MEI1: variants seen among roughly 807,000 people sequenced by gnomAD.
The protein encoded by MEI1 is meiosis inhibitor protein 1.
Under a neutral mutation model 146.2 loss-of-function variants are expected in MEI1, and 103 were observed. The observed-to-expected ratio is 0.70, with a 90% CI of 0.60 to 0.83. The LOEUF (loss-of-function observed/expected upper bound fraction) is 0.83. Ranked by LOEUF, MEI1 falls within the 40% of genes least tolerant of loss-of-function variation. The pLI is 0.00. For synonymous variants in MEI1, 652 were observed against 628.2 expected, an observed-to-expected ratio of 1.04 and a Z score of -0.57; for missense variants, 1,529 against 1,533.0, an observed-to-expected ratio of 1.00 and a Z score of 0.04.
intron 16 of MEI1, 44 bp downstream of exon 16, chr22:41,752,695 G>T (rs760766031): frequency 6.6e-7 from 1 of 1,521,338 alleles, no homozygotes; most frequent in Non-Finnish European, 9.0e-7. Context: ...AGGGGCCAAT[G>T]TCCCTCTTGA....
At chr22:41,700,790 G>A (rs1169734154) in intron 1 of MEI1, among the ~76,000 whole-genome samples, 3 of 137,892 alleles carry the variant, frequency 2.2e-5, no homozygotes, top group Admixed American at 1.4e-4. Flanking sequence ...AAACGGTCCC[G>A]GGGGTCTCCC....
intron 19 of MEI1, among the ~76,000 whole-genome samples, chr22:41,764,892 C>T (rs561097849): frequency 6.6e-5 from 10 of 152,266 alleles, no homozygotes; most frequent in South Asian, 4.1e-4. Flanking sequence ...GTCCGACTCC[C>T]GCATCAGTTA....
Position 41,752,584 on chromosome 22 carries a change from T to C in MEI1, c.1793-7T>C. ...CTGCTCTCTGCTTTATTCCCACTTC[T>C]CTGAAGCTTCCTCATCCTTCATACG... On this transcript the variant is annotated splice_region_variant and splice_polypyrimidine_tract_variant and intron_variant, in intron 15 of 30. Transcript: ENST00000401548. 6.3e-7 allele frequency: 1 copy of C among 1,593,362 alleles called. No individual in the cohort carries two copies. The highest frequency in any genetic ancestry group is 8.5e-7 in the Non-Finnish European group (1 of 1,169,748).
chr22:41,745,737 T>C (rs552596380), intron 13 of MEI1, 148 bp from the exon 14 acceptor site: 2 of 681,448 alleles, frequency 2.9e-6, no homozygotes, highest in African/African-American at 3.6e-5. Flanking sequence ...CTCCTCATTG[T>C]GGTCTATTGA....
At chr22:41,769,777 C>G (rs961817638) in intron 19 of MEI1, among the ~76,000 whole-genome samples, 1 of 151,652 alleles carries the variant, frequency 6.6e-6, no homozygotes, top group African/African-American at 2.4e-5. Context: ...CAGCCTCATA[C>G]TAAGAAATTT....
chr22:41,700,713 C>T (rs9619985), intron 1 of MEI1, among the ~76,000 whole-genome samples: 2 of 147,510 alleles, frequency 1.4e-5, no homozygotes, highest in Admixed American at 6.7e-5. Context: ...GAGGGGAATT[C>T]GTGAGTGGGT....
intron 14 of MEI1, among the ~76,000 whole-genome samples, chr22:41,747,736 C>CCCAAAA (rs1569240908): frequency 3.8e-5 from 5 of 133,204 alleles, no homozygotes; most frequent in African/African-American, 8.7e-5. Context: ...CCCACCCCCC[C>CCCAAAA]AAAAAAAACA....
intron 11 of MEI1, among the ~76,000 whole-genome samples, chr22:41,736,846 C>A (rs1037028356): frequency 6.6e-6 from 1 of 152,182 alleles, no homozygotes; most frequent in Non-Finnish European, 1.5e-5. Context: ...TTGGGTACCA[C>A]CATTCAGCCC....
At position 41,799,358 on chromosome 22, in the gene MEI1, T is replaced by A. The variant is rs2148294113; in HGVS notation, c.*59T>A. The A allele has an allele frequency of 6.5e-7, 1 of 1,536,316 alleles. No homozygotes were observed. Among genetic ancestry groups the A allele is most frequent in the African/African-American group, 1.4e-5 (1 of 70,862 alleles). ...GAATGAGACCTGGAGACAAAGGGCA[T>A]AATTGTTGGGGAAATGGATGACAGC... On this transcript the variant is annotated 3_prime_UTR_variant, in exon 31 of 31. Coordinates refer to ENST00000401548, the MANE Select transcript of MEI1 (RefSeq NM_152513.4).
chr22:41,731,051 CTTTTT>C (rs71651970), intron 9 of MEI1, among the ~76,000 whole-genome samples: 9 of 117,148 alleles, frequency 7.7e-5, no homozygotes, highest in Admixed American at 3.6e-4. Flanking sequence ...TTGTCTGGGA[CTTTTT>C]TTTTTTTTTT....
At chr22:41,761,698 G>T (rs1468905176) in intron 18 of MEI1, among the ~76,000 whole-genome samples, 2 of 152,094 alleles carry the variant, frequency 1.3e-5, no homozygotes, top group African/African-American at 2.4e-5. Context: ...ACAATTCAGT[G>T]GTATTTAATA....
At chr22:41,715,947 A>T in intron 4 of MEI1, 94 bp from the exon 5 acceptor site, 4 of 863,540 alleles carry the variant, frequency 4.6e-6, no homozygotes, top group Non-Finnish European at 7.3e-6. Context: ...GACACATGCA[A>T]TACAGGCATT....
At chr22:41,706,188 A>G (rs1478596454) in intron 3 of MEI1, among the ~76,000 whole-genome samples, 2 of 151,838 alleles carry the variant, frequency 1.3e-5, no homozygotes, top group South Asian at 2.1e-4. Context: ...CTGGCTAAAA[A>G]AATTTCTTTT....
chr22:41,743,641 T>C (rs893922622), intron 12 of MEI1, among the ~76,000 whole-genome samples: 1 of 152,240 alleles, frequency 6.6e-6, no homozygotes, highest in Non-Finnish European at 1.5e-5. Context: ...AGACTTAAGA[T>C]ATCAGGAAAG....
intron 3 of MEI1, among the ~76,000 whole-genome samples, chr22:41,712,470 C>T (rs193111377): frequency 0.016 from 2,465 of 151,706 alleles, 49 homozygotes; most frequent in Admixed American, 0.059. Context: ...CTCCTGACCT[C>T]GTGATCCACC....
intron 2 of MEI1, among the ~76,000 whole-genome samples, chr22:41,704,759 G>C (rs1054849385): frequency 1.6e-4 from 24 of 152,082 alleles, no homozygotes; most frequent in African/African-American, 5.8e-4. Flanking sequence ...CTGTCACCCA[G>C]ACTGGAGTGC....
intron 17 of MEI1, among the ~76,000 whole-genome samples, chr22:41,754,490 G>T (rs1168372461): frequency 6.6e-6 from 1 of 152,046 alleles, no homozygotes; most frequent in Admixed American, 6.6e-5. Context: ...CTGGAGTGCA[G>T]TGGCATGATC....
intron 3 of MEI1, among the ~76,000 whole-genome samples, chr22:41,713,383 C>T (rs928582104): frequency 2.6e-5 from 4 of 151,860 alleles, no homozygotes; most frequent in Non-Finnish European, 5.9e-5. Context: ...GGGAGGATTG[C>T]TTGAGCCCAG....
chr22:41,738,732 A>G (rs1410729404), intron 11 of MEI1, among the ~76,000 whole-genome samples: 1 of 151,922 alleles, frequency 6.6e-6, no homozygotes, highest in African/African-American at 2.4e-5. Flanking sequence ...AGATCACGCC[A>G]CTGCACTACA....
Sources: allele counts gnomAD v4.1 joint callset (sites outside exome capture counted in the v4.1 genomes callset), GRCh38; gene constraint gnomAD v4.1.1; transcripts MANE v1.5; gene names NCBI Gene and HGNC (gene_info 2026-07-23, HGNC 2026-07-21).